Variants in ALKBH8 observed in about 807,000 individuals in gnomAD.
ALKBH8 encodes the protein alkB homolog 8, tRNA methyltransferase.
A neutral mutation model predicts 59.8 loss-of-function variants in ALKBH8; 36 were observed. That is an observed-to-expected ratio of 0.60 (90% CI 0.46 to 0.79). ALKBH8 has a LOEUF of 0.79. ALKBH8 is among the 30% of genes least tolerant of loss of function. The probability of loss-of-function intolerance (pLI) is 0.00; values close to 1 mark genes in which losing one functional copy is unlikely to be tolerated. For synonymous variants in ALKBH8, 276 were observed against 273.6 expected, an observed-to-expected ratio of 1.01 and a Z score of -0.09; for missense variants, 768 against 801.0, an observed-to-expected ratio of 0.96 and a Z score of 0.50.
chr11:107,542,677 G>A (rs995411334), intron 7 of ALKBH8, among the ~76,000 whole-genome samples: 2 of 152,216 alleles, frequency 1.3e-5, no homozygotes, highest in South Asian at 2.1e-4. Context: ...GGGATGCCAA[G>A]GTAGGGCAGA....
intron 1 of ALKBH8, among the ~76,000 whole-genome samples, chr11:107,562,397 TA>T (rs995436920): frequency 2.9e-4 from 44 of 149,890 alleles, no homozygotes; most frequent in African/African-American, 1.1e-3. Context: ...TAGAATCAAA[TA>T]AAAAGGAAAG....
rs1373094833 is a variant in ALKBH8, at chr11:107,551,807, C to G, written c.700+1G>C. ...AAAATTTTTGAACAAGAAATACTCA[C>G]CTTGCCCAGGTTCATACTGATTTAT... On this transcript the variant is annotated splice_donor_variant, in intron 6 of 11. Transcript: ENST00000428149. LOFTEE classifies it high-confidence loss of function. 6.5e-7 allele frequency: 1 copy of G among 1,531,292 alleles called. No homozygotes were observed. The allele number at this position is 1,531,292 out of a possible 1,614,324, so 94.9% of individuals were successfully genotyped here.
At chr11:107,508,198 G>A (rs1433475974) in intron 11 of ALKBH8, among the ~76,000 whole-genome samples, 1 of 146,482 alleles carries the variant, frequency 6.8e-6, no homozygotes, top group Non-Finnish European at 1.5e-5. Flanking sequence ...TTTTGAGATG[G>A]AGTCTCTGTC....
In ALKBH8 at chr11:107,504,555, T is replaced by G. The variant is rs1462826042; in HGVS notation, c.*103A>C. 13 of 1,442,864 alleles carry G rather than the reference T, an allele frequency of 9.0e-6. No homozygotes were observed. In the East Asian group the frequency reaches 3.2e-4, roughly 36 times the overall value. 89.4% of individuals were successfully genotyped at this position (1,442,864 alleles called of 1,614,324 possible). A position where few individuals can be genotyped will look rare whatever the true frequency, so the allele number is the denominator to read the frequency against. On this transcript the variant is annotated 3_prime_UTR_variant, in exon 12 of 12. Transcript: ENST00000428149. ...ATTTTTCTCAGCTTTCCTTTGGTAC[T>G]TTCCCACAAGTTTTCTCTTTAATTA...
At chr11:107,555,748 G>A (rs535206807) in intron 3 of ALKBH8, among the ~76,000 whole-genome samples, 2 of 152,258 alleles carry the variant, frequency 1.3e-5, no homozygotes, top group African/African-American at 4.8e-5. Context: ...GCCTAAATAG[G>A]TGGCAAATGA....
intron 10 of ALKBH8, among the ~76,000 whole-genome samples, chr11:107,514,226 G>A (rs1336148473): frequency 1.3e-5 from 2 of 151,896 alleles, no homozygotes; most frequent in Non-Finnish European, 2.9e-5. Flanking sequence ...TCCTTAAAGT[G>A]CTATGTTATT....
intron 4 of ALKBH8, 34 bp from the exon 5 acceptor site, chr11:107,553,237 G>A: frequency 2.2e-6 from 3 of 1,389,714 alleles, no homozygotes; most frequent in South Asian, 2.6e-5. Context: ...CAATTAAGAA[G>A]GAAAAGAATT....
intron 8 of ALKBH8, among the ~76,000 whole-genome samples, chr11:107,530,600 A>AAC (rs66736211): frequency 0.042 from 5,583 of 131,926 alleles, 152 homozygotes; most frequent in Middle Eastern, 0.078. Flanking sequence ...CTCTCTTCCT[A>AAC]ACACACACAC....
intron 10 of ALKBH8, among the ~76,000 whole-genome samples, chr11:107,512,821 A>ATCGG (rs1862695716): frequency 1.3e-5 from 2 of 152,332 alleles, no homozygotes; most frequent in Non-Finnish European, 2.9e-5. Context: ...ATGAATGCTC[A>ATCGG]TATCAAAACA....
chr11:107,550,059 G>A (rs533912239), intron 6 of ALKBH8, among the ~76,000 whole-genome samples: 1 of 152,296 alleles, frequency 6.6e-6, no homozygotes, highest in African/African-American at 2.4e-5. Flanking sequence ...TAAAATCAAG[G>A]CTCAGGAGTC....
At chr11:107,547,431 G>A (rs1376575124) in intron 7 of ALKBH8, among the ~76,000 whole-genome samples, 2 of 152,202 alleles carry the variant, frequency 1.3e-5, no homozygotes, top group African/African-American at 2.4e-5. Context: ...AAGGCTTTAA[G>A]TAAGGAGCCC....
chr11:107,534,506 A>G (rs569903114), intron 7 of ALKBH8, among the ~76,000 whole-genome samples: 2 of 152,342 alleles, frequency 1.3e-5, no homozygotes, highest in South Asian at 4.1e-4. Flanking sequence ...CATGTTTTAC[A>G]AAGGCACAAT....
At chr11:107,534,131 C>G (rs540709240) in intron 7 of ALKBH8, among the ~76,000 whole-genome samples, 1 of 151,288 alleles carries the variant, frequency 6.6e-6, no homozygotes, top group Non-Finnish European at 1.5e-5. Context: ...CACCGTCTCA[C>G]CAAAAAATAA....
intron 7 of ALKBH8, among the ~76,000 whole-genome samples, 180 bp downstream of exon 7, chr11:107,549,573 C>T (rs1187374263): frequency 6.6e-6 from 1 of 152,070 alleles, no homozygotes; most frequent in Non-Finnish European, 1.5e-5. Flanking sequence ...GATGAGGTGA[C>T]AGATAAAATT....
intron 10 of ALKBH8, among the ~76,000 whole-genome samples, chr11:107,521,153 GA>G (rs1863093308): frequency 1.3e-5 from 2 of 152,090 alleles, no homozygotes; most frequent in South Asian, 4.1e-4. Context: ...GATACCAAGG[GA>G]CTAATATACT....
At chr11:107,508,173 CTT>C (rs34261151) in intron 11 of ALKBH8, among the ~76,000 whole-genome samples, 16 of 134,276 alleles carry the variant, frequency 1.2e-4, no homozygotes, top group African/African-American at 1.7e-4. Context: ...TTTTCAATGC[CTT>C]TTTTTTTTTT....
At chr11:107,557,737 T>G (rs985967774) in intron 2 of ALKBH8, among the ~76,000 whole-genome samples, 5 of 152,240 alleles carry the variant, frequency 3.3e-5, no homozygotes, top group African/African-American at 1.2e-4. Flanking sequence ...TACTTCCTGC[T>G]GTTTGCATAG....
chr11:107,503,853 G>A lies in ALKBH8; in HGVS notation c.*805C>T, dbSNP rs1472328818. ...TAACTCTTGATAATAAATTAGTCAG[G>A]ATTAGTAGTTATTTCAGTCACTTAA... On this transcript the variant is annotated 3_prime_UTR_variant, in exon 12 of 12. Transcript: ENST00000428149. The A allele has an allele frequency of 6.6e-6, 1 of 152,150 alleles. No individual in the cohort carries two copies. The highest frequency in any genetic ancestry group is 1.9e-4 in the East Asian group (1 of 5,200). 9.4% of individuals were successfully genotyped at this position (152,150 alleles called of 1,614,324 possible).
intron 7 of ALKBH8, among the ~76,000 whole-genome samples, chr11:107,536,205 C>T (rs1199199134): frequency 6.6e-6 from 1 of 152,218 alleles, no homozygotes; most frequent in Non-Finnish European, 1.5e-5. Context: ...TAAATTCTCT[C>T]CAACCACTCG....
Sources: gnomAD v4.1 joint callset for allele counts (sites outside exome capture counted in the v4.1 genomes callset) on GRCh38, gnomAD v4.1.1 for gene constraint, MANE v1.5 for transcripts, NCBI Gene and HGNC (gene_info 2026-07-23, HGNC 2026-07-21) for gene names.